LIMD1: variants seen among roughly 807,000 people sequenced by gnomAD.
LIMD1 encodes the protein LIM domain containing 1, also known as LIM domain-containing protein 1.
LIMD1 carries 23 observed loss-of-function variants against 58.4 expected under a neutral mutation model. That is an observed-to-expected ratio of 0.39 (90% CI 0.28 to 0.56). The LOEUF is 0.56. Among genes scored for constraint, LIMD1 ranks in the 20% least tolerant of loss-of-function variants. The probability of loss-of-function intolerance (pLI) is 0.57; values close to 1 mark genes in which losing one functional copy is unlikely to be tolerated. For synonymous variants in LIMD1, 334 were observed against 345.5 expected (o/e 0.97, Z 0.37); for missense variants, 838 against 855.5 (o/e 0.98, Z 0.25).
chr3:45,673,746 T>G, intron 6 of LIMD1: 1 of 543,482 alleles, frequency 1.8e-6, no homozygotes, highest in South Asian at 2.2e-5. Context: ...AGACCTCATC[T>G]CTACAAAAAA....
At chr3:45,635,952 G>A in intron 1 of LIMD1, 198 bp from the exon 2 acceptor site, 2 of 985,278 alleles carry the variant, frequency 2.0e-6, no homozygotes, top group African/African-American at 3.5e-5. Flanking sequence ...CTAAAGTCCA[G>A]CCTGGTAGCT....
At chr3:45,645,121 G>A (rs1282030575) in intron 2 of LIMD1, among the ~76,000 whole-genome samples, 1 of 152,256 alleles carries the variant, frequency 6.6e-6, no homozygotes. Context: ...GGAAAGATCA[G>A]GAAGCAACCA....
At position 45,677,131 on chromosome 3, in the gene LIMD1, TG is replaced by T; in HGVS notation, c.*76del. The T allele has an allele frequency of 6.4e-7, 1 of 1,562,272 alleles. No homozygotes were observed. Among genetic ancestry groups the T allele is most frequent in the Admixed American group, 1.7e-5 (1 of 58,862 alleles). ...TGCTGCTGCTGCTTCCGGTGGCCCCTGGGGTGGAAGTGGGGTAGGGGAAGAG... is the reference window on the plus strand; with the variant it reads ...TGCTGCTGCTGCTTCCGGTGGCCCCTGGGTGGAAGTGGGGTAGGGGAAGAG... On this transcript the variant is annotated 3_prime_UTR_variant, in exon 8 of 8. Transcript: ENST00000273317.
At position 45,636,320 on chromosome 3, in the gene LIMD1, A is replaced by C. The variant is rs968526711; in HGVS notation, c.1510+69A>C. On this transcript the variant is annotated intron_variant, in intron 2 of 7. Transcript: ENST00000273317. ...GAACATGGGAACCGAGAAAGGGAGG[A>C]GAGAGATCATCTTTCTGGAGACGGT... 578 of 1,178,038 alleles carry C rather than the reference A, an allele frequency of 4.9e-4. 1 individual carries two copies. Among genetic ancestry groups the C allele is most frequent in the Non-Finnish European group, 6.5e-4 (540 of 832,028 alleles). The allele number at this position is 1,178,038 out of a possible 1,614,324, so 73.0% of individuals were successfully genotyped here.
intron 1 of LIMD1, among the ~76,000 whole-genome samples, chr3:45,607,755 C>T (rs548605065): frequency 1.2e-4 from 18 of 152,284 alleles, no homozygotes; most frequent in Admixed American, 6.5e-4. Context: ...CAGCATGTGA[C>T]GGCCATTTCA....
intron 2 of LIMD1, among the ~76,000 whole-genome samples, chr3:45,653,001 G>A (rs1054705765): frequency 2.0e-5 from 3 of 152,234 alleles, no homozygotes; most frequent in African/African-American, 4.8e-5. Context: ...AGCAAAGGCC[G>A]AGAAAGAGAT....
chr3:45,620,551 T>A (rs1701619728), intron 1 of LIMD1, among the ~76,000 whole-genome samples: 1 of 151,912 alleles, frequency 6.6e-6, no homozygotes, highest in Non-Finnish European at 1.5e-5. Context: ...ACTTGGGGAG[T>A]CCAAGGTGTG....
intron 3 of LIMD1, among the ~76,000 whole-genome samples, chr3:45,667,231 C>T (rs749320379): frequency 2.6e-5 from 4 of 152,186 alleles, no homozygotes; most frequent in South Asian, 4.1e-4. Flanking sequence ...CACATGCCCA[C>T]GCCTGGAAAA....
At chr3:45,598,483 C>G (rs747857429) in intron 1 of LIMD1, among the ~76,000 whole-genome samples, 3 of 152,224 alleles carry the variant, frequency 2.0e-5, no homozygotes, top group Non-Finnish European at 4.4e-5. Flanking sequence ...GCTGACGCTA[C>G]TCATCCATTC....
At chr3:45,610,590 G>A (rs1445921050) in intron 1 of LIMD1, among the ~76,000 whole-genome samples, 1 of 152,196 alleles carries the variant, frequency 6.6e-6, no homozygotes, top group East Asian at 1.9e-4. Flanking sequence ...AGCTGTTGGT[G>A]GGAATGAAAA....
chr3:45,638,839 T>C (rs939069373), intron 2 of LIMD1, among the ~76,000 whole-genome samples: 1 of 152,196 alleles, frequency 6.6e-6, no homozygotes, highest in African/African-American at 2.4e-5. Flanking sequence ...ATGGCCATTT[T>C]GTGGTTTTGA....
Position 45,678,121 on chromosome 3 carries a change from C to T in LIMD1, c.*1062C>T, listed in dbSNP as rs910552516. ...TCGTTGGTTTCTCTCCTGCCCAATT[C>T]TTGGCACAGGCATTATGTTTGAAGA... On this transcript the variant is annotated 3_prime_UTR_variant, in exon 8 of 8. Coordinates refer to ENST00000273317, the MANE Select transcript of LIMD1 (RefSeq NM_014240.3). 1 of 152,740 alleles carries T rather than the reference C, an allele frequency of 6.5e-6. No homozygotes were observed. Among genetic ancestry groups the T allele is most frequent in the East Asian group, 1.9e-4 (1 of 5,190 alleles). 9.5% of individuals were successfully genotyped at this position (152,740 alleles called of 1,614,324 possible). A position where few individuals can be genotyped will look rare whatever the true frequency, so the allele number is the denominator to read the frequency against.
At chr3:45,643,322 TA>T (rs750258680) in intron 2 of LIMD1, among the ~76,000 whole-genome samples, 1 of 152,020 alleles carries the variant, frequency 6.6e-6, no homozygotes, top group Non-Finnish European at 1.5e-5. Context: ...CCATCTCTAC[TA>T]AAAATACAAA....
At chr3:45,627,828 C>T (rs1418108302) in intron 1 of LIMD1, among the ~76,000 whole-genome samples, 2 of 150,964 alleles carry the variant, frequency 1.3e-5, no homozygotes, top group African/African-American at 4.9e-5. Context: ...GCCAACATGG[C>T]GAAACACCAT....
chr3:45,602,487 G>A (rs1446111275), intron 1 of LIMD1, among the ~76,000 whole-genome samples: 1 of 152,202 alleles, frequency 6.6e-6, no homozygotes, highest in African/African-American at 2.4e-5. Context: ...GGTTGGCATT[G>A]TGTTTGGTTT....
chr3:45,601,088 C>T (rs1701407486), intron 1 of LIMD1, among the ~76,000 whole-genome samples: 1 of 152,014 alleles, frequency 6.6e-6, no homozygotes, highest in African/African-American at 2.4e-5. Flanking sequence ...AACAAAAAAC[C>T]CCACAAATAA....
chr3:45,658,722 A>G (rs936627001), intron 2 of LIMD1, among the ~76,000 whole-genome samples: 5 of 150,996 alleles, frequency 3.3e-5, no homozygotes, highest in Non-Finnish European at 5.9e-5. Flanking sequence ...TGCCTGGCTA[A>G]TTTTGTATTT....
chr3:45,662,547 A>AAGG (rs2125667745), intron 2 of LIMD1, among the ~76,000 whole-genome samples: 2 of 152,302 alleles, frequency 1.3e-5, no homozygotes, highest in African/African-American at 4.8e-5. Context: ...TATTTTTATA[A>AAGG]AGGAAATAAA....
At chr3:45,648,417 A>G (rs969555430) in intron 2 of LIMD1, among the ~76,000 whole-genome samples, 3 of 152,198 alleles carry the variant, frequency 2.0e-5, no homozygotes, top group Admixed American at 6.5e-5. Flanking sequence ...ATGAATCAGT[A>G]TCTCATTTCT....
Sources: allele counts gnomAD v4.1 joint callset (sites outside exome capture counted in the v4.1 genomes callset), GRCh38; gene constraint gnomAD v4.1.1; transcripts MANE v1.5; gene names NCBI Gene and HGNC (gene_info 2026-07-23, HGNC 2026-07-21).